ATG7: variants seen among roughly 807,000 people sequenced by gnomAD.
ATG7 encodes the protein ubiquitin-like modifier-activating enzyme ATG7.
Under a neutral mutation model 82.4 loss-of-function variants are expected in ATG7, and 70 were observed. The observed-to-expected ratio is 0.85, with a 90% CI of 0.70 to 1.04. ATG7 has a LOEUF of 1.04. ATG7 is among the 50% of genes least tolerant of loss of function. The pLI is 0.00. For synonymous variants in ATG7, 287 were observed against 313.0 expected (o/e 0.92, Z 0.88); for missense variants, 792 against 864.3 (o/e 0.92, Z 1.05).
intron 20 of ATG7, 76 bp from the exon 21 acceptor site, chr3:11,554,735 G>T: frequency 1.3e-6 from 2 of 1,562,150 alleles, no homozygotes; most frequent in Non-Finnish European, 1.8e-6. Context: ...CATGACTGCT[G>T]CGGTTTTGAA....
At chr3:11,485,384 GGTT>G (rs1309169864) in intron 20 of ATG7, among the ~76,000 whole-genome samples, 7 of 152,100 alleles carry the variant, frequency 4.6e-5, no homozygotes, top group Non-Finnish European at 7.4e-5. Context: ...TTTTCGATGG[GGTT>G]GTTTGTTTTT....
chr3:11,298,909 C>G, intron 4 of ATG7, 54 bp downstream of exon 4: 1 of 1,584,206 alleles, frequency 6.3e-7, no homozygotes, highest in Non-Finnish European at 8.6e-7. Flanking sequence ...TCACGGTCCT[C>G]CAGTATAGTG....
intron 20 of ATG7, among the ~76,000 whole-genome samples, chr3:11,441,159 C>T (rs1395648067): frequency 1.3e-5 from 2 of 152,124 alleles, no homozygotes; most frequent in Non-Finnish European, 2.9e-5. Flanking sequence ...CTGTGTTTAT[C>T]CTACCTTAAT....
At chr3:11,551,558 A>AT (rs1273515264) in intron 20 of ATG7, among the ~76,000 whole-genome samples, 2 of 151,996 alleles carry the variant, frequency 1.3e-5, no homozygotes, top group African/African-American at 2.4e-5. Flanking sequence ...GTTTATTCCC[A>AT]TGTGTTTAGC....
intron 19 of ATG7, among the ~76,000 whole-genome samples, chr3:11,412,057 C>CA (rs1201320680): frequency 4.0e-5 from 6 of 151,570 alleles, no homozygotes; most frequent in Non-Finnish European, 8.8e-5. Flanking sequence ...ATCACTGAGA[C>CA]AAGTGTGGCC....
At chr3:11,326,573 C>T (rs1950913345) in intron 9 of ATG7, among the ~76,000 whole-genome samples, 1 of 152,208 alleles carries the variant, frequency 6.6e-6, no homozygotes, top group Non-Finnish European at 1.5e-5. Context: ...GCTGGGATTA[C>T]AGGCGTGAGC....
intron 20 of ATG7, among the ~76,000 whole-genome samples, chr3:11,553,524 C>G (rs2072040015): frequency 6.6e-6 from 1 of 152,204 alleles, no homozygotes. Context: ...ACACAGCTCC[C>G]CTGCCCTGCA....
At chr3:11,350,549 C>A (rs1296342049) in intron 14 of ATG7, among the ~76,000 whole-genome samples, 1 of 152,156 alleles carries the variant, frequency 6.6e-6, no homozygotes, top group Non-Finnish European at 1.5e-5. Flanking sequence ...GGGTCCTACT[C>A]TTCCTATGGT....
At position 11,360,758 on chromosome 3, in the gene ATG7, T is replaced by G; in HGVS notation, c.1657T>G (p.Cys553Gly). Residue 553 changes from cysteine (C) to glycine (G), a missense_variant, in exon 16 of 21, where the codon TGC becomes GGC. Coordinates refer to ENST00000693202, the MANE Select transcript of ATG7 (RefSeq NM_001349232.2). ...TGGTTACAAGCTTGGCTGCTACTTCTGCAATGATGTGGTGGCCCCAGGAGA... is the reference window on the plus strand; with the variant it reads ...TGGTTACAAGCTTGGCTGCTACTTCGGCAATGATGTGGTGGCCCCAGGAGA... ...IPGYKLGCYF[C>G]NDVVAPGDST... is the part of the protein sequence containing the mutation. 1 of 1,614,206 alleles carries G rather than the reference T, an allele frequency of 6.2e-7. No individual in the cohort carries two copies. The highest frequency in any genetic ancestry group is 8.5e-7 in the Non-Finnish European group (1 of 1,180,016).
At position 11,551,711 on chromosome 3, in the gene ATG7, C is replaced by T. The variant is rs1054861361; in HGVS notation, c.2080-3100C>T. Among the ~76,000 whole-genome samples, 7 of 150,048 alleles carry T rather than the reference C, an allele frequency of 4.7e-5. No homozygotes were observed. The South Asian group carries it at 1.5e-3, about 32-fold the overall frequency. The stretch of plus-strand genomic sequence containing the variant: ...TCCCAAAGTGCTGGGATTACAGGCA[C>T]GAGCCGCTGTGCCCAGCCAATATAA... On this transcript the variant is annotated intron_variant, in intron 20 of 20. Transcript: ENST00000693202.
chr3:11,290,528 CT>C, intron 3 of ATG7: 1 of 368,966 alleles, frequency 2.7e-6, no homozygotes, highest in Non-Finnish European at 5.4e-6. Context: ...TGGCCTTCTC[CT>C]TCCTCTTCTC....
intron 20 of ATG7, among the ~76,000 whole-genome samples, chr3:11,447,635 C>T (rs1258956040): frequency 6.6e-6 from 1 of 152,084 alleles, no homozygotes; most frequent in Non-Finnish European, 1.5e-5. Context: ...TCTTTTCTTC[C>T]CCATATAGCA....
At chr3:11,294,522 C>T (rs1158521610) in intron 3 of ATG7, among the ~76,000 whole-genome samples, 1 of 152,136 alleles carries the variant, frequency 6.6e-6, no homozygotes, top group Non-Finnish European at 1.5e-5. Context: ...TGAGCCTGGC[C>T]AAATCACCTG....
At chr3:11,564,865 T>C in the ATG7 span, 1 of 1,609,194 alleles carries the variant, frequency 6.2e-7, no homozygotes, top group Non-Finnish European at 8.5e-7. Flanking sequence ...AGGCTGTTCT[T>C]GGTCAGTGCG....
chr3:11,532,465 G>A lies in ATG7; in HGVS notation c.2080-22346G>A, dbSNP rs531628373. Among the ~76,000 whole-genome samples, 51 of 152,260 alleles carry A rather than the reference G, an allele frequency of 3.3e-4. 2 individuals carry two copies. In the Middle Eastern group the frequency reaches 0.02, roughly 61 times the overall value. On this transcript the variant is annotated intron_variant, in intron 20 of 20. Transcript: ENST00000693202. Reference sequence around the variant, plus strand: ...AGGCTGGGTGCAGTGCCTCATGCCTGTAATCCCAGTGCTTTGGGAGGCCAA... The same window carrying A: ...AGGCTGGGTGCAGTGCCTCATGCCTATAATCCCAGTGCTTTGGGAGGCCAA...
chr3:11,381,670 C>A (rs1007851178), intron 19 of ATG7, among the ~76,000 whole-genome samples: 1 of 152,122 alleles, frequency 6.6e-6, no homozygotes, highest in Non-Finnish European at 1.5e-5. Flanking sequence ...TCTTGGTGAT[C>A]ATTTTGAGAG....
chr3:11,462,691 G>A (rs941506750), intron 20 of ATG7, among the ~76,000 whole-genome samples: 2 of 152,058 alleles, frequency 1.3e-5, no homozygotes, highest in African/African-American at 4.8e-5. Context: ...TGTACTCCTG[G>A]CTGGGCCCTT....
At chr3:11,547,375 C>T (rs1439661210) in intron 20 of ATG7, among the ~76,000 whole-genome samples, 1 of 152,180 alleles carries the variant, frequency 6.6e-6, no homozygotes, top group Admixed American at 6.5e-5. Flanking sequence ...GGACAGACCA[C>T]GTTTCATTTA....
chr3:11,404,125 A>ATTTTTTTTTT (rs10591303), intron 19 of ATG7, among the ~76,000 whole-genome samples: 3 of 76,926 alleles, frequency 3.9e-5, no homozygotes, highest in Non-Finnish European at 6.9e-5. Flanking sequence ...AACCAGCTCA[A>ATTTTTTTTTT]TTTTTTTTTT....
Sources: gnomAD v4.1 joint callset for allele counts (sites outside exome capture counted in the v4.1 genomes callset) on GRCh38, gnomAD v4.1.1 for gene constraint, MANE v1.5 for transcripts, NCBI Gene and HGNC (gene_info 2026-07-23, HGNC 2026-07-21) for gene names.